The following NKAIN3 variants were observed in gnomAD, a reference collection of about 807,000 sequenced individuals.
NKAIN3 encodes sodium/potassium-transporting ATPase subunit beta-1-interacting protein 3.
A neutral mutation model predicts 30.2 loss-of-function variants in NKAIN3; 25 were observed. That is an observed-to-expected ratio of 0.83 (90% CI 0.60 to 1.16). NKAIN3 has a LOEUF of 1.16. Ranked by LOEUF, NKAIN3 falls within the 50% of genes most tolerant of loss-of-function variation. NKAIN3 has a pLI of 0.00. For missense variants in NKAIN3, 225 were observed against 254.1 expected, an observed-to-expected ratio of 0.89 and a Z score of 0.78; for synonymous variants, 91 against 89.6, an observed-to-expected ratio of 1.02 and a Z score of -0.09.
At chr8:62,786,073 C>T (rs186655271) in intron 4 of NKAIN3, among the ~76,000 whole-genome samples, 1 of 151,956 alleles carries the variant, frequency 6.6e-6, no homozygotes, top group South Asian at 2.1e-4. Flanking sequence ...ACCACACCCC[C>T]CTCCCTGCAA....
chr8:62,566,779 A>T (rs1391079874), intron 1 of NKAIN3, among the ~76,000 whole-genome samples: 2 of 152,102 alleles, frequency 1.3e-5, no homozygotes, highest in South Asian at 2.1e-4. Context: ...TCAGTAGAGC[A>T]GCTTGAAAAT....
intron 1 of NKAIN3, among the ~76,000 whole-genome samples, chr8:62,367,940 C>A (rs1816789574): frequency 2.0e-5 from 3 of 151,926 alleles, no homozygotes; most frequent in Admixed American, 2.0e-4. Context: ...GAGGAACTAT[C>A]ATAAAAAGAA....
chr8:62,624,458 T>G (rs950224072), intron 3 of NKAIN3, among the ~76,000 whole-genome samples: 1 of 151,920 alleles, frequency 6.6e-6, no homozygotes, highest in Non-Finnish European at 1.5e-5. Context: ...TTCTGAGAAG[T>G]CAGATGTAAT....
intron 1 of NKAIN3, among the ~76,000 whole-genome samples, chr8:62,259,433 A>G (rs1227886403): frequency 6.6e-6 from 1 of 152,166 alleles, no homozygotes; most frequent in Non-Finnish European, 1.5e-5. Flanking sequence ...CATGCTTTTA[A>G]TCCCCATTAA....
chr8:62,648,454 C>T (rs1476575596), intron 3 of NKAIN3, among the ~76,000 whole-genome samples: 3 of 152,106 alleles, frequency 2.0e-5, no homozygotes, highest in Non-Finnish European at 4.4e-5. Flanking sequence ...GGAAGCAAAG[C>T]TACACGCTAA....
In NKAIN3 at chr8:62,529,277, T is replaced by C. The variant is rs373374827; in HGVS notation, c.55-50262T>C. On this transcript the variant is annotated intron_variant, in intron 1 of 6. Transcript: ENST00000623646. ...AGGCAAAAAGTTACTCTAACCCCAC[T>C]GAGGCTGTCTGTAGTTTTACTTCAA... Among the ~76,000 whole-genome samples, 15 of 152,334 alleles carry C rather than the reference T, an allele frequency of 9.8e-5. No individual in the cohort carries two copies. In the East Asian group the frequency reaches 2.3e-3, roughly 24 times the overall value.
chr8:62,451,698 A>T (rs1805648336), intron 1 of NKAIN3, among the ~76,000 whole-genome samples: 1 of 152,178 alleles, frequency 6.6e-6, no homozygotes, highest in Non-Finnish European at 1.5e-5. Context: ...TTTTTTGATT[A>T]GTCTCTTAAT....
intron 5 of NKAIN3, among the ~76,000 whole-genome samples, chr8:62,919,731 C>T (rs1376231133): frequency 6.6e-6 from 1 of 152,104 alleles, no homozygotes; most frequent in African/African-American, 2.4e-5. Context: ...TCAAAGGGGT[C>T]TGATGAACGC....
At chr8:62,528,340 A>AAT (rs144331882) in intron 1 of NKAIN3, among the ~76,000 whole-genome samples, 20 of 27,678 alleles carry the variant, frequency 7.2e-4, no homozygotes, top group Admixed American at 4.4e-3. Flanking sequence ...TATATTATAT[A>AAT]ATATATATAT....
At chr8:62,588,409 A>G (rs1810545077) in intron 2 of NKAIN3, among the ~76,000 whole-genome samples, 2 of 151,864 alleles carry the variant, frequency 1.3e-5, no homozygotes, top group South Asian at 4.1e-4. Context: ...TTATAATTGT[A>G]TTATCTTAAA....
At chr8:62,527,897 G>GTGTGTGTGTA (rs1415500767) in intron 1 of NKAIN3, among the ~76,000 whole-genome samples, 105 of 126,554 alleles carry the variant, frequency 8.3e-4, no homozygotes, top group Admixed American at 5.4e-4. Context: ...GTGTGTGTGT[G>GTGTGTGTGTA]TGTGTGTGTG....
At chr8:62,859,606 G>C (rs569422599) in intron 4 of NKAIN3, among the ~76,000 whole-genome samples, 2 of 146,802 alleles carry the variant, frequency 1.4e-5, no homozygotes, top group African/African-American at 2.5e-5. Flanking sequence ...ACATATATGC[G>C]TGTGTGTGTG....
At chr8:62,803,613 C>T (rs1330277143) in intron 4 of NKAIN3, among the ~76,000 whole-genome samples, 1 of 151,964 alleles carries the variant, frequency 6.6e-6, no homozygotes, top group Non-Finnish European at 1.5e-5. Context: ...ACATTCAAAG[C>T]AGTGTGTAGA....
At chr8:62,925,913 C>T (rs1822428099) in intron 5 of NKAIN3, among the ~76,000 whole-genome samples, 1 of 152,040 alleles carries the variant, frequency 6.6e-6, no homozygotes, top group African/African-American at 2.4e-5. Context: ...GAATGCCTGC[C>T]CGCTCAGAAG....
intron 4 of NKAIN3, among the ~76,000 whole-genome samples, chr8:62,874,238 T>G (rs1313499452): frequency 6.6e-6 from 1 of 151,844 alleles, no homozygotes; most frequent in African/African-American, 2.4e-5. Flanking sequence ...CTAGAAGAAA[T>G]GATAAATTCC....
chr8:62,310,595 A>G (rs1814396248), intron 1 of NKAIN3, among the ~76,000 whole-genome samples: 1 of 150,298 alleles, frequency 6.7e-6, no homozygotes, highest in South Asian at 2.1e-4. Flanking sequence ...TAGTTTGCAA[A>G]CTGATTAGTC....
At chr8:62,528,903 G>T (rs1484152545) in intron 1 of NKAIN3, among the ~76,000 whole-genome samples, 1 of 152,106 alleles carries the variant, frequency 6.6e-6, no homozygotes, top group East Asian at 1.9e-4. Flanking sequence ...CCCACTAAGT[G>T]ATAGATACCA....
chr8:62,630,552 C>T (rs1179417201), intron 3 of NKAIN3, among the ~76,000 whole-genome samples: 1 of 152,086 alleles, frequency 6.6e-6, no homozygotes, highest in Non-Finnish European at 1.5e-5. Flanking sequence ...TTCAGCAAAT[C>T]GCCAAAACGT....
In NKAIN3 at chr8:62,830,608, G is replaced by A. The variant is rs140444977; in HGVS notation, c.471+83479G>A. ...TTTCTGAAAACCTGTCAGAAATTAA[G>A]CATAAAACTTCCACTGAGCAGCAGG... is the stretch of plus-strand genomic sequence containing the variant. On this transcript the variant is annotated intron_variant, in intron 4 of 6. Transcript: ENST00000623646. Among the ~76,000 whole-genome samples the A allele has an allele frequency of 1.9e-3, 285 of 152,184 alleles. 2 individuals are homozygous for A. In the East Asian group the frequency reaches 0.04, roughly 21 times the overall value.
Sources: gnomAD v4.1 joint callset for allele counts (sites outside exome capture counted in the v4.1 genomes callset) on GRCh38, gnomAD v4.1.1 for gene constraint, MANE v1.5 for transcripts, NCBI Gene and HGNC (gene_info 2026-07-23, HGNC 2026-07-21) for gene names.